HIBCH: variants seen among roughly 807,000 people sequenced by gnomAD.
The protein encoded by HIBCH is 3-hydroxyisobutyryl-CoA hydrolase, mitochondrial.
HIBCH carries 50 observed loss-of-function variants against 58.2 expected under a neutral mutation model. The ratio of observed to expected loss-of-function variants is 0.86; its 90% CI spans 0.68 to 1.09. The LOEUF is 1.09. Ranked by LOEUF, HIBCH falls within the 50% of genes least tolerant of loss-of-function variation. The pLI is 0.00. For missense variants in HIBCH, 450 were observed against 449.7 expected, an observed-to-expected ratio of 1.00 and a Z score of -0.01; for synonymous variants, 151 against 146.9, an observed-to-expected ratio of 1.03 and a Z score of -0.20.
intron 7 of HIBCH, among the ~76,000 whole-genome samples, chr2:190,256,490 T>C (rs1005901968): frequency 3.5e-5 from 5 of 143,948 alleles, no homozygotes; most frequent in African/African-American, 1.4e-4. Flanking sequence ...CACTTGAAAA[T>C]ATTAAGATGT....
rs921270972 is a variant in HIBCH, at chr2:190,195,109, G to A, written c.*18-5112C>T. Among the ~76,000 whole-genome samples the A allele has an allele frequency of 3.3e-5, 5 of 152,016 alleles. No homozygotes were observed. The East Asian group carries it at 5.8e-4, about 18-fold the overall frequency. On this transcript the variant is annotated intron_variant, in intron 1 of 1. Transcript: ENST00000399855. Reference sequence around the variant, plus strand: ...GAACTCCTGGGCTCAAATGATACTCGCCTCAGCCTCCCAAAGTGCTGGGAT... The same window carrying A: ...GAACTCCTGGGCTCAAATGATACTCACCTCAGCCTCCCAAAGTGCTGGGAT...
At chr2:190,258,455 G>A (rs78706213) in intron 7 of HIBCH, among the ~76,000 whole-genome samples, 2,314 of 152,266 alleles carry the variant, frequency 0.015, 64 homozygotes, top group African/African-American at 0.051. Context: ...ACTAGGCAAC[G>A]AGCAGAGATT....
intron 2 of HIBCH, among the ~76,000 whole-genome samples, chr2:190,307,045 T>C (rs1206784003): frequency 6.6e-6 from 1 of 152,222 alleles, no homozygotes; most frequent in East Asian, 1.9e-4. Context: ...CTACCCAGTT[T>C]ACGGTTTTGT....
rs1284163919 is a variant in HIBCH at position 190,217,089 on chromosome 2, C to T, written c.892-4014G>A. Among the ~76,000 whole-genome samples the T allele has an allele frequency of 6.6e-6, 1 of 152,230 alleles. No homozygotes were observed. Among genetic ancestry groups the T allele is most frequent in the African/African-American group, 2.4e-5 (1 of 41,448 alleles). On this transcript the variant is annotated intron_variant, in intron 11 of 13. Transcript: ENST00000359678. The surrounding 1 kb of genome is among the most constrained non-coding windows in gnomAD (Gnocchi z 4.6). ...ACAGGCTGTTAGCTCTTCAAACCAG[C>T]AGCTCTTGGCCCAGTGCCAGACCCA...
intron 6 of HIBCH, among the ~76,000 whole-genome samples, chr2:190,262,351 T>C (rs370811466): frequency 3.3e-5 from 5 of 152,192 alleles, no homozygotes; most frequent in African/African-American, 9.6e-5. Flanking sequence ...CTAAGGTCCC[T>C]GAACTTGTCT....
rs1024545264 is a variant in HIBCH, at chr2:190,236,604, A to G, written c.891+8283T>C. Among the ~76,000 whole-genome samples the G allele has an allele frequency of 9.9e-5, 15 of 152,186 alleles. No homozygotes were observed. The highest frequency in any genetic ancestry group is 8.5e-4 in the Admixed American group (13 of 15,274). ...CACAGAAATATTTCTATTTTTTAGT[A>G]TATTTTCACCAATCTGAAATGTCAT... On this transcript the variant is annotated intron_variant, in intron 11 of 13. Coordinates refer to ENST00000359678, the MANE Select transcript of HIBCH (RefSeq NM_014362.4). This position sits in a 1 kb window ranked among gnomAD's most constrained non-coding sequence, Gnocchi z 4.1.
chr2:190,292,456 C>T (rs62184435), intron 4 of HIBCH, among the ~76,000 whole-genome samples: 23,337 of 152,140 alleles, frequency 0.15, 2,508 homozygotes, highest in Admixed American at 0.32. Flanking sequence ...AGGCGCATGC[C>T]GCCATGCCCA....
intron 7 of HIBCH, among the ~76,000 whole-genome samples, chr2:190,256,754 T>A (rs573488527): frequency 6.6e-6 from 1 of 152,210 alleles, no homozygotes; most frequent in Admixed American, 6.5e-5. Context: ...TTCAAGAAGT[T>A]AGAGACACAG....
chr2:190,287,613 T>C lies in HIBCH; in HGVS notation c.411A>G (p.Ala137=), dbSNP rs779372177. 1.2e-6 allele frequency: 2 copies of C among 1,611,650 alleles called. No individual in the cohort carries two copies. Among genetic ancestry groups the C allele is most frequent in the Non-Finnish European group, 1.7e-6 (2 of 1,177,986 alleles). The change falls in exon 6 of 14, where the codon GCA becomes GCG. Residue 137 remains alanine, a synonymous_variant. Transcript: ENST00000359678. ...CACCCATTGTAATTCCATGAATAAGTGCAACATAAGGTTTCTGGCAAGAAC... is the reference window on the plus strand; with the variant it reads ...CACCCATTGTAATTCCATGAATAAGCGCAACATAAGGTTTCTGGCAAGAAC... ...AVGSCQKPYV[A]LIHGITMGGG...
intron 6 of HIBCH, among the ~76,000 whole-genome samples, chr2:190,286,861 T>TA (rs1259850946): frequency 8.8e-5 from 9 of 102,268 alleles, no homozygotes; most frequent in East Asian, 6.2e-4. Flanking sequence ...AATACTGAAT[T>TA]TAAAAAAAAA....
Position 190,279,840 on chromosome 2 carries a change from G to A in HIBCH, c.438+7746C>T, listed in dbSNP as rs1331046203. The A allele has an allele frequency of 2.0e-5, 4 of 203,864 alleles. No individual in the cohort carries two copies. Among genetic ancestry groups the A allele is most frequent in the Non-Finnish European group, 3.8e-5 (4 of 104,108 alleles). The allele number at this position is 203,864 out of a possible 1,614,324, so 12.6% of individuals were successfully genotyped here. On this transcript the variant is annotated intron_variant, in intron 6 of 13. Coordinates refer to ENST00000359678, the MANE Select transcript of HIBCH (RefSeq NM_014362.4). This position sits in a 1 kb window ranked among gnomAD's most constrained non-coding sequence, Gnocchi z 4.2. ...CCACAAGTTACTTCCTCCTTCCTTT[G>A]TTCTCCTCTGCCTTTGCCTCTTTTA...
downstream of HIBCH, chr2:190,203,099 C>T (rs1300697409): frequency 1.2e-5 from 2 of 167,040 alleles, no homozygotes; most frequent in Non-Finnish European, 2.9e-5. Flanking sequence ...GCATGATACG[C>T]ATATATCCTA....
chr2:190,253,034 C>T (rs1270558479), intron 7 of HIBCH, among the ~76,000 whole-genome samples: 2 of 151,890 alleles, frequency 1.3e-5, no homozygotes, highest in African/African-American at 4.8e-5. Flanking sequence ...ACTAAAATTC[C>T]AAAAATCAGC....
At chr2:190,226,856 A>C (rs989415945) in intron 11 of HIBCH, among the ~76,000 whole-genome samples, 5 of 152,092 alleles carry the variant, frequency 3.3e-5, no homozygotes, top group African/African-American at 1.2e-4. Flanking sequence ...AAAATACCTA[A>C]AATCCAACTT....
chr2:190,205,165 A>C lies in HIBCH; in HGVS notation c.1113T>G (p.Asp371Glu), dbSNP rs1690359215. Residue 371 changes from aspartate (D) to glutamate (E), a missense_variant, in exon 14 of 14, where the codon GAT (aspartate) becomes GAG (glutamate). Coordinates refer to ENST00000359678, the MANE Select transcript of HIBCH (RefSeq NM_014362.4). The stretch of plus-strand genomic sequence containing the variant: ...CCAAAGACTTAAAGTGATTATTCAA[A>C]TCTTCCTCAGTAACTTCTTTTAGAT... ...PADLKEVTEE[D>E]LNNHFKSLGS... is the part of the protein sequence containing the mutation. 3.1e-6 allele frequency: 5 copies of C among 1,611,052 alleles called. No homozygotes were observed. The highest frequency in any genetic ancestry group is 4.2e-6 in the Non-Finnish European group (5 of 1,178,026).
At position 190,290,475 on chromosome 2, in the gene HIBCH, T is replaced by C. The variant is rs1371935624; in HGVS notation, c.315A>G (p.Glu105=). Residue 105 remains glutamate, a synonymous_variant, in exon 5 of 14, where the codon GAA becomes GAG. Coordinates refer to ENST00000359678, the MANE Select transcript of HIBCH (RefSeq NM_014362.4). The part of the protein sequence containing the change: ...CAGGDIRVIS[E]AEKAKQKIAP... ...CTATCTTCTGTTTTGCCTTTTCAGC[T>C]TCCGAGATCACTAGGAAGGAAAGAT... 6.2e-7 allele frequency: 1 copy of C among 1,605,654 alleles called. No homozygotes were observed. The highest frequency in any genetic ancestry group is 1.7e-5 in the Admixed American group (1 of 59,964).
Position 190,210,636 on chromosome 2 carries a change from T to G in HIBCH, c.1012-1723A>C, listed in dbSNP as rs990549767. On this transcript the variant is annotated intron_variant, in intron 12 of 13. Coordinates refer to ENST00000359678, the MANE Select transcript of HIBCH (RefSeq NM_014362.4). The surrounding 1 kb of genome is among the most constrained non-coding windows in gnomAD (Gnocchi z 5.5). ...TTAGAGAGACCTTCAAGGCTCTGTA[T>G]GCTCTGCACAGCCTTTCTCTACACT... is the stretch of plus-strand genomic sequence containing the variant. Among the ~76,000 whole-genome samples, 10 of 152,202 alleles carry G rather than the reference T, an allele frequency of 6.6e-5. No homozygotes were observed. The highest frequency in any genetic ancestry group is 2.0e-4 in the Admixed American group (3 of 15,284).
In HIBCH at chr2:190,294,645, C is replaced by T. The variant is rs1216493401; in HGVS notation, c.220-15G>A. 1.9e-6 allele frequency: 3 copies of T among 1,541,744 alleles called. No individual in the cohort carries two copies. Among genetic ancestry groups the T allele is most frequent in the Admixed American group, 3.3e-5 (2 of 59,920 alleles). On this transcript the variant is annotated splice_polypyrimidine_tract_variant and intron_variant, in intron 3 of 13. Coordinates refer to ENST00000359678, the MANE Select transcript of HIBCH (RefSeq NM_014362.4). The stretch of plus-strand genomic sequence containing the variant: ...TGTTCCCACTTCTATTCAAATGTAA[C>T]AGAAGATGGTATAAGCATATTATAA...
At position 190,215,193 on chromosome 2, in the gene HIBCH, TC is replaced by T. The variant is rs1425548368; in HGVS notation, c.892-2119del. On this transcript the variant is annotated intron_variant, in intron 11 of 13. Transcript: ENST00000359678. The surrounding 1 kb of genome is among the most constrained non-coding windows in gnomAD (Gnocchi z 4.4). Reference sequence around the variant, plus strand: ...TATACTTAGGCTGAGATGATGTCAATCATGAATATTGTGTTTACTGGGGAAG... The same window carrying T: ...TATACTTAGGCTGAGATGATGTCAATATGAATATTGTGTTTACTGGGGAAG... 1 of 152,190 alleles carries T rather than the reference TC, an allele frequency of 6.6e-6. No homozygotes were observed. The highest frequency in any genetic ancestry group is 1.5e-5 in the Non-Finnish European group (1 of 68,064). 9.4% of individuals were successfully genotyped at this position (152,190 alleles called of 1,614,324 possible). A position where few individuals can be genotyped will look rare whatever the true frequency, so the allele number is the denominator to read the frequency against.
Sources: allele counts gnomAD v4.1 joint callset (sites outside exome capture counted in the v4.1 genomes callset), GRCh38; gene constraint gnomAD v4.1.1; non-coding constraint Gnocchi (gnomAD v3.1); transcripts MANE v1.5; gene names NCBI Gene and HGNC (gene_info 2026-07-23, HGNC 2026-07-21).